The following MTSS2 variants were observed in gnomAD, a reference collection of about 807,000 sequenced individuals.
MTSS2 encodes the protein MTSS I-BAR domain containing 2.
In MTSS2, 27 loss-of-function variants were observed where a neutral mutation model predicts 67.1. The ratio of observed to expected loss-of-function variants is 0.40; its 90% CI spans 0.30 to 0.55. MTSS2 has a LOEUF of 0.55. Among genes scored for constraint, MTSS2 ranks in the 20% least tolerant of loss-of-function variants. MTSS2 has a pLI of 0.43. For missense variants in MTSS2, 1,171 were observed against 1,067.8 expected (o/e 1.10, Z -1.35); for synonymous variants, 624 against 468.6 (o/e 1.33, Z -4.28).
chr16:70,682,398 C>A (rs1173141117), intron 1 of MTSS2, among the ~76,000 whole-genome samples: 2 of 152,096 alleles, frequency 1.3e-5, no homozygotes, highest in African/African-American at 4.8e-5. Context: ...TGGACCCCCA[C>A]CCCCACTCAG....
intron 11 of MTSS2, among the ~76,000 whole-genome samples, chr16:70,668,684 G>A (rs921384360): frequency 1.3e-5 from 2 of 152,152 alleles, no homozygotes; most frequent in African/African-American, 2.4e-5. Context: ...CATTAGGGTG[G>A]AGCCCTCATT....
At chr16:70,673,789 A>G (rs1239667102) in intron 11 of MTSS2, among the ~76,000 whole-genome samples, 1 of 152,146 alleles carries the variant, frequency 6.6e-6, no homozygotes, top group Non-Finnish European at 1.5e-5. Flanking sequence ...GTAAAAAAAT[A>G]TATATTAAGG....
At position 70,678,057 on chromosome 16, in the gene MTSS2, C is replaced by T. The variant is rs1328092198; in HGVS notation, c.625-158G>A. Among the ~76,000 whole-genome samples, 8 of 152,248 alleles carry T rather than the reference C, an allele frequency of 5.3e-5. No individual in the cohort carries two copies. In the East Asian group the frequency reaches 1.5e-3, roughly 29 times the overall value. ...GCTGGTGCAGGTGGGGCCCACACAG[C>T]CCAGAGGGCTGGCATGATGGTCTCT... On this transcript the variant is annotated intron_variant, in intron 8 of 14. Transcript: ENST00000338779.
Position 70,681,027 on chromosome 16 carries a change from T to C in MTSS2, c.70-2A>G. 6.2e-7 allele frequency: 1 copy of C among 1,608,814 alleles called. No homozygotes were observed. The highest frequency in any genetic ancestry group is 8.5e-7 in the Non-Finnish European group (1 of 1,178,170). On this transcript the variant is annotated splice_acceptor_variant, in intron 1 of 14. Transcript: ENST00000338779. LOFTEE classifies it high-confidence loss of function. ...GTCCTCCCAGATAGGGTAGGAGCTC[T>C]GCCGGGCAAATGGGAGAGAAAGTGA... is the stretch of plus-strand genomic sequence containing the variant.
chr16:70,670,015 A>T (rs182508755), intron 11 of MTSS2, among the ~76,000 whole-genome samples: 2 of 152,290 alleles, frequency 1.3e-5, no homozygotes, highest in Non-Finnish European at 2.9e-5. Flanking sequence ...TCATGCCTGT[A>T]ATCCCAGTAC....
intron 3 of MTSS2, 29 bp downstream of exon 3, chr16:70,680,765 C>T (rs1040615575): frequency 6.5e-7 from 1 of 1,548,196 alleles, no homozygotes; most frequent in Non-Finnish European, 8.7e-7. Flanking sequence ...CCTGGGGCAA[C>T]CCCAACCTCC....
At position 70,661,385 on chromosome 16, in the gene MTSS2, AG is replaced by A. The variant is rs58442115; in HGVS notation, c.*2291del. 0.14 allele frequency: 3,992 copies of A among 27,818 alleles called. 222 individuals carry two copies. Among genetic ancestry groups the A allele is most frequent in the African/African-American group, 0.46 (3,515 of 7,590 alleles). 1.7% of individuals were successfully genotyped at this position (27,818 alleles called of 1,614,324 possible). A position where few individuals can be genotyped will look rare whatever the true frequency, so the allele number is the denominator to read the frequency against. Reference sequence around the variant, plus strand: ...GTTCAGATGGGACGGAGGGTGGGGGAGGGGGGGAGGGTGAGTAGGAACCAGG... The same window carrying A: ...GTTCAGATGGGACGGAGGGTGGGGGAGGGGGGAGGGTGAGTAGGAACCAGG... On this transcript the variant is annotated 3_prime_UTR_variant, in exon 15 of 15. Coordinates refer to ENST00000338779, the MANE Select transcript of MTSS2 (RefSeq NM_138383.3).
rs754950361 is a variant in MTSS2, at chr16:70,661,605, G to A, written c.*2072C>T. On this transcript the variant is annotated 3_prime_UTR_variant, in exon 15 of 15. Coordinates refer to ENST00000338779, the MANE Select transcript of MTSS2 (RefSeq NM_138383.3). The stretch of plus-strand genomic sequence containing the variant: ...TTGGCTCGGATCCCGAGGTGGGTGG[G>A]CCTATGAGGTGGTTGCTAAGTCGAC... The A allele has an allele frequency of 2.9e-6, 1 of 349,668 alleles. No individual in the cohort carries two copies. Among genetic ancestry groups the A allele is most frequent in the South Asian group, 2.2e-5 (1 of 45,572 alleles). 21.7% of individuals were successfully genotyped at this position (349,668 alleles called of 1,614,324 possible).
intron 10 of MTSS2, among the ~76,000 whole-genome samples, chr16:70,675,539 C>T (rs191266155): frequency 2.6e-5 from 4 of 152,266 alleles, no homozygotes; most frequent in East Asian, 1.9e-4. Flanking sequence ...CTCAGCCTCC[C>T]GAGTAGCTGG....
intron 1 of MTSS2, 107 bp from the exon 2 acceptor site, chr16:70,681,132 G>T: frequency 9.4e-7 from 1 of 1,064,034 alleles, no homozygotes; most frequent in Non-Finnish European, 1.4e-6. Flanking sequence ...CAGTTTCTAA[G>T]ACAGCAGCCC....
intron 1 of MTSS2, among the ~76,000 whole-genome samples, chr16:70,684,627 G>C (rs1263968023): frequency 6.6e-6 from 1 of 152,124 alleles, no homozygotes; most frequent in Non-Finnish European, 1.5e-5. Flanking sequence ...AATCTGCGCT[G>C]GGCTGTGGGG....
At chr16:70,683,202 A>G (rs1176598695) in intron 1 of MTSS2, among the ~76,000 whole-genome samples, 1 of 152,186 alleles carries the variant, frequency 6.6e-6, no homozygotes, top group Non-Finnish European at 1.5e-5. Context: ...CCAGCCTCCA[A>G]TCCCAGGGAG....
At position 70,663,693 on chromosome 16, in the gene MTSS2, G is replaced by A. The variant is rs766540920; in HGVS notation, c.2228C>T (p.Ala743Val). 17 of 1,586,264 alleles carry A rather than the reference G, an allele frequency of 1.1e-5. No individual in the cohort carries two copies. The highest frequency in any genetic ancestry group is 5.4e-5 in the African/African-American group (4 of 74,374). ...LRRTVTNDRS[A>V]PRIL ...GTGGCGCCATCATAAGATGCGGGGCGCCGACCTGTCGTTGGTGACGGTCCT... is the reference window on the plus strand; with the variant it reads ...GTGGCGCCATCATAAGATGCGGGGCACCGACCTGTCGTTGGTGACGGTCCT... Residue 743 changes from alanine to valine, a missense_variant, in exon 15 of 15, where the codon GCG becomes GTG. Ala to Val is a moderately conservative substitution (Grantham distance 64). Coordinates refer to ENST00000338779, the MANE Select transcript of MTSS2 (RefSeq NM_138383.3).
intron 3 of MTSS2, among the ~76,000 whole-genome samples, chr16:70,680,477 T>A (rs1374116540): frequency 6.6e-6 from 1 of 152,164 alleles, no homozygotes; most frequent in East Asian, 1.9e-4. Flanking sequence ...TGACCCTGCG[T>A]GCTCTTAGAA....
At chr16:70,672,341 C>CAAAAAAAAAAAAAAAAAAA (rs11297993) in intron 11 of MTSS2, among the ~76,000 whole-genome samples, 1 of 80,910 alleles carries the variant, frequency 1.2e-5, no homozygotes. Context: ...GAGCAAAATT[C>CAAAAAAAAAAAAAAAAAAA]AAAAAAAAAA....
At position 70,663,319 on chromosome 16, in the gene MTSS2, C is replaced by T. The variant is rs1251206948; in HGVS notation, c.*358G>A. 3.7e-6 allele frequency: 1 copy of T among 273,126 alleles called. No individual in the cohort carries two copies. The highest frequency in any genetic ancestry group is 6.9e-6 in the Non-Finnish European group (1 of 145,466). 16.9% of individuals were successfully genotyped at this position (273,126 alleles called of 1,614,324 possible). A position where few individuals can be genotyped will look rare whatever the true frequency, so the allele number is the denominator to read the frequency against. ...GAGGCAGGACCAGCCCTGGGAGAGGCCGGGATGGTGAAAGGGAGGCCAGCC... is the reference window on the plus strand; with the variant it reads ...GAGGCAGGACCAGCCCTGGGAGAGGTCGGGATGGTGAAAGGGAGGCCAGCC... On this transcript the variant is annotated 3_prime_UTR_variant, in exon 15 of 15. Transcript: ENST00000338779.
At chr16:70,666,846 A>C (rs1158291686) in intron 11 of MTSS2, among the ~76,000 whole-genome samples, 1 of 152,270 alleles carries the variant, frequency 6.6e-6, no homozygotes, top group African/African-American at 2.4e-5. Context: ...GAATATCTAC[A>C]AATGCATTGA....
chr16:70,665,479 C>G lies in MTSS2; in HGVS notation c.1115G>C (p.Ser372Thr). Residue 372 changes from serine to threonine, a missense_variant, in exon 12 of 15, where the codon AGC (serine) becomes ACC (threonine). Ser to Thr is a moderately conservative substitution (Grantham distance 58). This residue lies in a region of MTSS2 where 924 missense variants were observed against 756.0 expected (regional missense o/e 1.22). Coordinates refer to ENST00000338779, the MANE Select transcript of MTSS2 (RefSeq NM_138383.3). Reference sequence around the variant, plus strand: ...GGGAGCACTGACCGAGGTGGGGGAGCTGCACTCGCTAACGGACTGGCAGGT... The same window carrying G: ...GGGAGCACTGACCGAGGTGGGGGAGGTGCACTCGCTAACGGACTGGCAGGT... ...SETCQSVSEC[S>T]SPTSDWSKVG... is the part of the protein sequence containing the mutation. 6.4e-7 allele frequency: 1 copy of G among 1,555,888 alleles called. No individual in the cohort carries two copies.
chr16:70,669,593 A>G (rs1457069017), intron 11 of MTSS2, among the ~76,000 whole-genome samples: 1 of 152,158 alleles, frequency 6.6e-6, no homozygotes, highest in Non-Finnish European at 1.5e-5. Flanking sequence ...AGGCGGGCGG[A>G]TTACCTGAGG....
Sources: gnomAD v4.1 joint callset for allele counts (sites outside exome capture counted in the v4.1 genomes callset) on GRCh38, gnomAD v4.1.1 for gene constraint, gnomAD v4.1.1 regional missense constraint, MANE v1.5 for transcripts, NCBI Gene and HGNC (gene_info 2026-07-23, HGNC 2026-07-21) for gene names.